Variants in TRPV3 observed in about 807,000 individuals in gnomAD.
TRPV3 encodes the protein transient receptor potential cation channel subfamily V member 3.
A neutral mutation model predicts 87.1 loss-of-function variants in TRPV3; 88 were observed. That is an observed-to-expected ratio of 1.01 (90% CI 0.85 to 1.21). The LOEUF (loss-of-function observed/expected upper bound fraction) is 1.21. Ranked by LOEUF, TRPV3 falls within the 50% of genes most tolerant of loss-of-function variation. The pLI, the probability that TRPV3 is intolerant of heterozygous loss-of-function variation, is 0.00. For synonymous variants in TRPV3, 438 were observed against 423.3 expected, an observed-to-expected ratio of 1.03 and a Z score of -0.43; for missense variants, 1,054 against 1,030.1, an observed-to-expected ratio of 1.02 and a Z score of -0.32.
At chr17:3,520,887 C>A (rs989921388) in intron 14 of TRPV3, 86 bp downstream of exon 14, 4 of 829,928 alleles carry the variant, frequency 4.8e-6, no homozygotes, top group African/African-American at 3.5e-5. Context: ...CTAATTGTTG[C>A]CAAGGCCGCC....
At position 3,542,661 on chromosome 17, in the gene TRPV3, C is replaced by T; in HGVS notation, c.504G>A (p.Gly168=). ...ACAAGGCCTTCATCAGGCAGGTCTTCCCCGTGTCGGAGGCCGTCAGCTTGT... is the reference window on the plus strand; with the variant it reads ...ACAAGGCCTTCATCAGGCAGGTCTTTCCCGTGTCGGAGGCCGTCAGCTTGT... ...LMHKLTASDT[G]KTCLMKALLN... is the part of the protein sequence containing the mutation. Residue 168 remains glycine, a synonymous_variant, in exon 6 of 18, where the codon GGG becomes GGA. Coordinates refer to ENST00000576742, the MANE Select transcript of TRPV3 (RefSeq NM_145068.4). 2 of 1,614,106 alleles carry T rather than the reference C, an allele frequency of 1.2e-6. No homozygotes were observed. The highest frequency in any genetic ancestry group is 1.7e-6 in the Non-Finnish European group (2 of 1,179,990).
Position 3,535,720 on chromosome 17 carries a change from A to G in TRPV3, c.644-7T>C, listed in dbSNP as rs750954597. The G allele has an allele frequency of 1.3e-6, 2 of 1,498,100 alleles. No individual in the cohort carries two copies. Among genetic ancestry groups the G allele is most frequent in the Non-Finnish European group, 1.8e-6 (2 of 1,126,070 alleles). 92.8% of individuals were successfully genotyped at this position (1,498,100 alleles called of 1,614,324 possible). A position where few individuals can be genotyped will look rare whatever the true frequency, so the allele number is the denominator to read the frequency against. On this transcript the variant is annotated splice_polypyrimidine_tract_variant and splice_region_variant and intron_variant, in intron 6 of 17. Coordinates refer to ENST00000576742, the MANE Select transcript of TRPV3 (RefSeq NM_145068.4). ...ATGTTCAGCGCCGTCTGCCCTGCGG[A>G]GCGGGCGGGGACGCGCGGGAGCCTC...
rs1353753466 is a variant in TRPV3, at chr17:3,521,038, A to G, written c.1745T>C (p.Val582Ala). ...GAACTTCAGAACATCATGCAAAATG[A>G]CCTATAAGGAAATAAACATAATTCA... ...MGMYSVMIQK[V>A]ILHDVLKFLF... Residue 582 changes from valine (V) to alanine (A), a missense_variant and splice_region_variant, in exon 14 of 18, where the codon GTC (valine) becomes GCC (alanine). Physicochemically the swap from Val to Ala is moderately conservative, Grantham distance 64 (BLOSUM62 0). Coordinates refer to ENST00000576742, the MANE Select transcript of TRPV3 (RefSeq NM_145068.4). 3.1e-6 allele frequency: 5 copies of G among 1,604,758 alleles called. No individual in the cohort carries two copies. The highest frequency in any genetic ancestry group is 4.3e-6 in the Non-Finnish European group (5 of 1,173,486).
At chr17:3,535,913 T>TGCTCCGG (rs1452893099) in intron 6 of TRPV3, among the ~76,000 whole-genome samples, 200 bp from the exon 7 acceptor site, 1 of 152,248 alleles carries the variant, frequency 6.6e-6, no homozygotes, top group African/African-American at 2.4e-5. Context: ...GTGGAGCGCC[T>TGCTCCGG]GCTCCGGGCT....
chr17:3,517,056 A>G (rs9899270), intron 15 of TRPV3, among the ~76,000 whole-genome samples: 88,081 of 151,962 alleles, frequency 0.58, 26,282 homozygotes, highest in East Asian at 0.95. Flanking sequence ...GAGGCAGGAG[A>G]ATCACTTGAA....
chr17:3,524,789 T>C (rs1381832108), intron 12 of TRPV3, among the ~76,000 whole-genome samples: 3 of 133,164 alleles, frequency 2.3e-5, no homozygotes, highest in Non-Finnish European at 4.6e-5. Context: ...CTGAGTGACA[T>C]AGTGAGACCT....
chr17:3,553,248 A>G (rs1167382380), intron 2 of TRPV3: 2 of 152,754 alleles, frequency 1.3e-5, no homozygotes, highest in East Asian at 3.9e-4. Flanking sequence ...ACCACCTATC[A>G]CCTGGGCTTC....
chr17:3,538,119 A>AC (rs1222910214), intron 6 of TRPV3, among the ~76,000 whole-genome samples: 2 of 151,610 alleles, frequency 1.3e-5, no homozygotes, highest in African/African-American at 4.9e-5. Context: ...AATGGTGTGA[A>AC]CCCGGGAGGT....
At chr17:3,515,383 G>A (rs761462704) in intron 16 of TRPV3, among the ~76,000 whole-genome samples, 9 of 152,150 alleles carry the variant, frequency 5.9e-5, no homozygotes, top group Admixed American at 2.0e-4. Flanking sequence ...TCATGGGGCC[G>A]GGCACCGTGG....
rs544469182 is a variant in TRPV3, at chr17:3,534,586, G to C, written c.784+987C>G. The stretch of plus-strand genomic sequence containing the variant: ...AACCAACTCGACGCACTGTGAAAAT[G>C]AACAGAACTGTCCTCTAACACGGGT... On this transcript the variant is annotated intron_variant, in intron 7 of 17. Transcript: ENST00000576742. Among the ~76,000 whole-genome samples, 16 of 152,142 alleles carry C rather than the reference G, an allele frequency of 1.1e-4. No individual in the cohort carries two copies. In the South Asian group the frequency reaches 3.3e-3, roughly 32 times the overall value.
rs374996413 is a variant in TRPV3, at chr17:3,540,045, G to A, written c.643+2477C>T. ...CTGCACTCCAGCCTGGTGACACAGC[G>A]GAACTCCATCTCAAAAAATAAATAA... On this transcript the variant is annotated intron_variant, in intron 6 of 17. Coordinates refer to ENST00000576742, the MANE Select transcript of TRPV3 (RefSeq NM_145068.4). Among the ~76,000 whole-genome samples, 30 of 147,092 alleles carry A rather than the reference G, an allele frequency of 2.0e-4. 1 individual carries two copies. The highest frequency in any genetic ancestry group is 1.1e-3 in the South Asian group (5 of 4,754).
intron 8 of TRPV3, among the ~76,000 whole-genome samples, chr17:3,531,349 A>G (rs1205647562): frequency 1.3e-5 from 2 of 152,170 alleles, no homozygotes; most frequent in African/African-American, 4.8e-5. Context: ...CACAAGACCC[A>G]CTGGGTTCCC....
intron 2 of TRPV3, among the ~76,000 whole-genome samples, chr17:3,545,604 C>T (rs2074516483): frequency 6.6e-6 from 1 of 151,954 alleles, no homozygotes; most frequent in South Asian, 2.1e-4. Context: ...GGATCTGTGG[C>T]CCACACTTCC....
At chr17:3,537,092 AGGTTTTTGGTTTTGGG>A (rs1356152462) in intron 6 of TRPV3, among the ~76,000 whole-genome samples, 1 of 152,148 alleles carries the variant, frequency 6.6e-6, no homozygotes, top group African/African-American at 2.4e-5. Context: ...GCTTACATAA[AGGTTTTTGGTTTTGGG>A]GGTTTTTGGT....
At chr17:3,521,438 A>G (rs751251217) in intron 13 of TRPV3, among the ~76,000 whole-genome samples, 1 of 152,160 alleles carries the variant, frequency 6.6e-6, no homozygotes, top group Non-Finnish European at 1.5e-5. Flanking sequence ...GAACTAAATC[A>G]ATGAATAAGA....
intron 2 of TRPV3, among the ~76,000 whole-genome samples, chr17:3,551,825 T>C (rs1327981923): frequency 2.0e-5 from 3 of 150,442 alleles, no homozygotes; most frequent in Non-Finnish European, 4.4e-5. Context: ...TAGGCCTGTT[T>C]CCTTAGGGGT....
At chr17:3,551,006 C>T (rs2074569084) in intron 2 of TRPV3, among the ~76,000 whole-genome samples, 1 of 152,182 alleles carries the variant, frequency 6.6e-6, no homozygotes, top group African/African-American at 2.4e-5. Flanking sequence ...AGGGGCTGCG[C>T]TATGGGAGCT....
chr17:3,527,042 C>T (rs879808173), intron 11 of TRPV3, 115 bp from the exon 12 acceptor site: 15 of 789,380 alleles, frequency 1.9e-5, no homozygotes, highest in Non-Finnish European at 3.2e-5. Flanking sequence ...GCACAAAGGC[C>T]CAGCTAGAGT....
At chr17:3,543,080 C>G (rs2074484344) in intron 5 of TRPV3, among the ~76,000 whole-genome samples, 1 of 151,974 alleles carries the variant, frequency 6.6e-6, no homozygotes, top group African/African-American at 2.4e-5. Flanking sequence ...ACCCAGGGCT[C>G]CACCAGCCAC....
Sources: gnomAD v4.1 joint callset for allele counts (sites outside exome capture counted in the v4.1 genomes callset) on GRCh38, gnomAD v4.1.1 for gene constraint, MANE v1.5 for transcripts, NCBI Gene and HGNC (gene_info 2026-07-23, HGNC 2026-07-21) for gene names.